The following FAM228B variants were observed in gnomAD, a reference collection of about 807,000 sequenced individuals.
The protein encoded by FAM228B is protein FAM228B.
Under a neutral mutation model 42.6 loss-of-function variants are expected in FAM228B, and 38 were observed. The ratio of observed to expected loss-of-function variants is 0.89; its 90% confidence interval spans 0.69 to 1.17. The LOEUF is 1.17. Among genes scored for constraint, FAM228B ranks in the 50% most tolerant of loss-of-function variants. FAM228B has a pLI of 0.00. For synonymous variants in FAM228B, 109 were observed against 122.3 expected, an observed-to-expected ratio of 0.89 and a Z score of 0.72; for missense variants, 344 against 367.3, an observed-to-expected ratio of 0.94 and a Z score of 0.52.
intron 5 of FAM228B, among the ~76,000 whole-genome samples, chr2:24,145,524 C>G (rs1666873418): frequency 6.6e-6 from 1 of 152,090 alleles, no homozygotes; most frequent in African/African-American, 2.4e-5. Context: ...CTCCATTACC[C>G]CAGATGCACA....
intron 7 of FAM228B, among the ~76,000 whole-genome samples, chr2:24,153,341 C>T (rs1331260802): frequency 6.6e-6 from 1 of 152,170 alleles, no homozygotes; most frequent in Non-Finnish European, 1.5e-5. Flanking sequence ...TCCAGAGCCC[C>T]CAGTATACTC....
chr2:24,108,599 T>C (rs1260864440), intron 3 of FAM228B, among the ~76,000 whole-genome samples: 1 of 152,036 alleles, frequency 6.6e-6, no homozygotes, highest in Non-Finnish European at 1.5e-5. Flanking sequence ...ACATGCAAAG[T>C]TGGTTTAACA....
chr2:24,144,105 G>A (rs1013899049), intron 5 of FAM228B, among the ~76,000 whole-genome samples: 6 of 152,150 alleles, frequency 3.9e-5, no homozygotes, highest in African/African-American at 1.4e-4. Context: ...TATAATTGTC[G>A]ATAAAACTTT....
intron 2 of FAM228B, among the ~76,000 whole-genome samples, chr2:24,132,469 T>G (rs1191139910): frequency 2.2e-5 from 3 of 136,854 alleles, no homozygotes; most frequent in East Asian, 4.0e-4. Flanking sequence ...GGATTGTTTT[T>G]TTTTTTTTTT....
chr2:24,079,610 A>G (rs1391384763), intron 1 of FAM228B: 4 of 1,614,072 alleles, frequency 2.5e-6, no homozygotes, highest in African/African-American at 1.3e-5. Context: ...GGATCCGCCT[A>G]TGCAGTCTAG....
chr2:24,087,118 C>T (rs1458636895), intron 2 of FAM228B: 1 of 152,182 alleles, frequency 6.6e-6, no homozygotes, highest in Non-Finnish European at 1.5e-5. Flanking sequence ...AAGATTTTAT[C>T]TTAGTGAGCC....
At chr2:24,166,715 G>A (rs985482885) in intron 9 of FAM228B, among the ~76,000 whole-genome samples, 1 of 152,104 alleles carries the variant, frequency 6.6e-6, no homozygotes. Flanking sequence ...GGGTGGGGTG[G>A]GAGAGTGGGG....
intron 2 of FAM228B, among the ~76,000 whole-genome samples, chr2:24,129,804 T>C (rs939136902): frequency 3.3e-5 from 5 of 151,894 alleles, no homozygotes; most frequent in South Asian, 4.1e-4. Context: ...TAATTTTCTT[T>C]TTATTTTTCT....
chr2:24,090,269 AAAAC>A (rs575057893), intron 2 of FAM228B, among the ~76,000 whole-genome samples: 382 of 151,884 alleles, frequency 2.5e-3, no homozygotes, highest in African/African-American at 8.9e-3. Context: ...CTCCGTCTCA[AAAAC>A]AAACAAACAA....
intron 9 of FAM228B, among the ~76,000 whole-genome samples, chr2:24,166,728 C>T (rs1225553671): frequency 2.6e-5 from 4 of 151,780 alleles, no homozygotes; most frequent in African/African-American, 7.3e-5. Flanking sequence ...GAGTGGGGGA[C>T]GAATGAAGAG....
chr2:24,147,213 T>C (rs1666917485), intron 7 of FAM228B, 127 bp downstream of exon 7: 4 of 639,156 alleles, frequency 6.3e-6, no homozygotes, highest in Non-Finnish European at 9.9e-6. Context: ...AGACAGAGTC[T>C]CACTCTGAAA....
chr2:24,110,937 G>C (rs543663260), intron 3 of FAM228B, among the ~76,000 whole-genome samples: 1 of 152,152 alleles, frequency 6.6e-6, no homozygotes, highest in African/African-American at 2.4e-5. Flanking sequence ...TGAATCGTAG[G>C]ACACTTGGTC....
At chr2:24,156,787 C>T (rs188452119) in intron 7 of FAM228B, among the ~76,000 whole-genome samples, 1 of 114,712 alleles carries the variant, frequency 8.7e-6, no homozygotes, top group Non-Finnish European at 1.7e-5. Flanking sequence ...CCCCCCCCCC[C>T]AGCTTTTTGT....
intron 7 of FAM228B, among the ~76,000 whole-genome samples, chr2:24,151,846 G>A (rs1038548438): frequency 6.6e-6 from 1 of 151,718 alleles, no homozygotes; most frequent in African/African-American, 2.4e-5. Context: ...ATCACACCTG[G>A]CTAATTTTTG....
At chr2:24,160,317 A>G (rs1667257947) in intron 7 of FAM228B, among the ~76,000 whole-genome samples, 1 of 152,118 alleles carries the variant, frequency 6.6e-6, no homozygotes, top group South Asian at 2.1e-4. Context: ...ACCTACTGGT[A>G]TATGTTGTGC....
chr2:24,167,723 C>G, intron 10 of FAM228B, 40 bp downstream of exon 10: 1 of 1,549,234 alleles, frequency 6.5e-7, no homozygotes, highest in Non-Finnish European at 8.7e-7. Flanking sequence ...TCTCCTATTC[C>G]TTACCCCTGT....
chr2:24,150,152 T>A (rs558609939), intron 7 of FAM228B, among the ~76,000 whole-genome samples: 13 of 152,170 alleles, frequency 8.5e-5, no homozygotes, highest in Non-Finnish European at 8.8e-5. Flanking sequence ...TGCAGTGTTA[T>A]ATTATTCTGT....
At chr2:24,137,274 G>A (rs1414675320) in intron 3 of FAM228B, among the ~76,000 whole-genome samples, 1 of 152,044 alleles carries the variant, frequency 6.6e-6, no homozygotes, top group Admixed American at 6.6e-5. Flanking sequence ...ATCTATTTGA[G>A]CCTGGATTTT....
At position 24,103,740 on chromosome 2, in the gene FAM228B, C is replaced by T. The variant is rs1419159677; in HGVS notation, c.-121+8511C>T. On this transcript the variant is annotated intron_variant, in intron 3 of 10. Transcript: ENST00000613899. ...CCAGGCCTGCAGAACTTCAGAGAAT[C>T]GCTATAGTCCAGGTCAGACTCCCTG... Among the ~76,000 whole-genome samples the T allele has an allele frequency of 3.3e-5, 5 of 152,196 alleles. No homozygotes were observed. The East Asian group carries it at 9.6e-4, about 29-fold the overall frequency.
Sources: allele counts gnomAD v4.1 joint callset (sites outside exome capture counted in the v4.1 genomes callset), GRCh38; gene constraint gnomAD v4.1.1; transcripts MANE v1.5; gene names NCBI Gene and HGNC (gene_info 2026-07-23, HGNC 2026-07-21).